Variants in MAGI2 observed in about 807,000 individuals in gnomAD.
MAGI2 encodes the protein membrane associated guanylate kinase, WW and PDZ domain containing 2.
A neutral mutation model predicts 133.3 loss-of-function variants in MAGI2; 35 were observed. The ratio of observed to expected loss-of-function variants is 0.26; its 90% CI spans 0.20 to 0.35. The LOEUF (loss-of-function observed/expected upper bound fraction) is 0.35. Ranked by LOEUF, MAGI2 falls within the 10% of genes least tolerant of loss-of-function variation. MAGI2 has a pLI of 1.00. For missense variants in MAGI2, 1,636 were observed against 1,863.4 expected (o/e 0.88, Z 2.25); for synonymous variants, 729 against 710.6 (o/e 1.03, Z -0.41).
chr7:78,883,443 C>G (rs1240695133), intron 2 of MAGI2, among the ~76,000 whole-genome samples: 1 of 151,988 alleles, frequency 6.6e-6, no homozygotes. Context: ...CATTAAAATG[C>G]TCAAATCAAT....
intron 2 of MAGI2, among the ~76,000 whole-genome samples, chr7:78,761,303 A>G (rs1416897623): frequency 1.3e-5 from 2 of 152,218 alleles, no homozygotes; most frequent in Non-Finnish European, 2.9e-5. Flanking sequence ...GCTTGACAAA[A>G]GAAATAACCT....
At chr7:78,480,429 C>T (rs1023860038) in intron 6 of MAGI2, among the ~76,000 whole-genome samples, 1 of 151,500 alleles carries the variant, frequency 6.6e-6, no homozygotes, top group Non-Finnish European at 1.5e-5. Flanking sequence ...AATCACAAAA[C>T]ATAGACACAA....
At chr7:78,042,062 C>A (rs990953371) in intron 21 of MAGI2, among the ~76,000 whole-genome samples, 1 of 152,136 alleles carries the variant, frequency 6.6e-6, no homozygotes, top group African/African-American at 2.4e-5. Context: ...CTGAGAGCAT[C>A]CATGAGTACA....
chr7:78,744,454 A>T (rs1822737968), intron 2 of MAGI2, among the ~76,000 whole-genome samples: 2 of 152,102 alleles, frequency 1.3e-5, no homozygotes, highest in African/African-American at 4.8e-5. Context: ...GATTCATCTT[A>T]TGGAATATGA....
chr7:79,027,778 A>G (rs1810044660), intron 1 of MAGI2, among the ~76,000 whole-genome samples: 1 of 152,114 alleles, frequency 6.6e-6, no homozygotes, highest in Non-Finnish European at 1.5e-5. Context: ...TCATTTTGTA[A>G]TCTATAAATG....
chr7:79,022,360 G>A (rs1277380206), intron 1 of MAGI2, among the ~76,000 whole-genome samples: 1 of 152,086 alleles, frequency 6.6e-6, no homozygotes, highest in Non-Finnish European at 1.5e-5. Flanking sequence ...CAGAATCTCT[G>A]AGATACATCC....
At chr7:78,522,861 T>G (rs73141123) in intron 3 of MAGI2, among the ~76,000 whole-genome samples, 9,464 of 152,258 alleles carry the variant, frequency 0.062, 514 homozygotes, top group African/African-American at 0.14. Flanking sequence ...ATTAAAATCT[T>G]TATTGGTACT....
chr7:78,716,639 G>A (rs1190950604), intron 2 of MAGI2, among the ~76,000 whole-genome samples: 3 of 152,118 alleles, frequency 2.0e-5, no homozygotes, highest in African/African-American at 7.2e-5. Flanking sequence ...TCACATTGCT[G>A]AGCACGCTGA....
At chr7:78,107,017 T>C (rs1818761287) in intron 20 of MAGI2, among the ~76,000 whole-genome samples, 1 of 152,162 alleles carries the variant, frequency 6.6e-6, no homozygotes, top group African/African-American at 2.4e-5. Context: ...TAGTCAATGT[T>C]GATTTGATTT....
At chr7:79,101,520 C>T (rs149854516) in intron 1 of MAGI2, among the ~76,000 whole-genome samples, 2,694 of 152,054 alleles carry the variant, frequency 0.018, 77 homozygotes, top group African/African-American at 0.061. Flanking sequence ...GTCAGGAGAT[C>T]GAGACCATTC....
At chr7:79,268,895 T>C (rs1834668079) in intron 1 of MAGI2, among the ~76,000 whole-genome samples, 1 of 152,148 alleles carries the variant, frequency 6.6e-6, no homozygotes, top group Non-Finnish European at 1.5e-5. Flanking sequence ...AGGTTGTTAT[T>C]AGCCCTATTA....
At chr7:78,785,394 A>T (rs926472289) in intron 2 of MAGI2, among the ~76,000 whole-genome samples, 2 of 152,222 alleles carry the variant, frequency 1.3e-5, no homozygotes, top group African/African-American at 2.4e-5. Context: ...CTGTGTAAGT[A>T]TTCTATTTTA....
rs1160345838 is a variant in MAGI2, at chr7:78,698,379, AAC to A, written c.419-71142_419-71141del. On this transcript the variant is annotated intron_variant, in intron 2 of 21. Transcript: ENST00000354212. ...GGGACAGGTTACAACAAAGGTCCAC[AAC>A]ACAGTTTATTCCGCATCCCCTAAGG... Among the ~76,000 whole-genome samples, 16 of 152,316 alleles carry A rather than the reference AAC, an allele frequency of 1.1e-4. No homozygotes were observed. The East Asian group carries it at 2.3e-3, about 22-fold the overall frequency.
intron 9 of MAGI2, among the ~76,000 whole-genome samples, chr7:78,292,697 CA>C (rs1169782662): frequency 6.6e-6 from 1 of 152,162 alleles, no homozygotes; most frequent in East Asian, 1.9e-4. Context: ...TACAAGGCTA[CA>C]GTAACAAAAA....
Position 78,019,315 on chromosome 7 carries a change from T to G in MAGI2, c.4368A>C (p.Ter1456CysextTer33). The G allele has an allele frequency of 6.4e-7, 1 of 1,560,912 alleles. No individual in the cohort carries two copies. Among genetic ancestry groups the G allele is most frequent in the Non-Finnish European group, 8.6e-7 (1 of 1,163,798 alleles). Residue 1456 changes from the stop codon to cysteine (C), a stop_lost, in exon 22 of 22, where the codon TGA (stop) becomes TGC (cysteine). Coordinates refer to ENST00000354212, the MANE Select transcript of MAGI2 (RefSeq NM_012301.4). Reference protein sequence around the residue: ...LKPGASAASR* With the variant: ...LKPGASAASRC ...GGCGGGTTGGCCGTGGCCGCGCGGC[T>G]CATCTGCTGGCGGCCGAGGCGCCGG... is the stretch of plus-strand genomic sequence containing the variant.
intron 2 of MAGI2, among the ~76,000 whole-genome samples, chr7:78,971,643 C>A (rs559032359): frequency 4.6e-4 from 70 of 152,014 alleles, no homozygotes; most frequent in African/African-American, 1.7e-3. Flanking sequence ...GTTTGGCCAC[C>A]CTACTTTCAG....
intron 2 of MAGI2, among the ~76,000 whole-genome samples, chr7:78,792,335 G>T (rs1166757943): frequency 1.3e-5 from 2 of 152,152 alleles, no homozygotes; most frequent in African/African-American, 2.4e-5. Context: ...ATGTGAAAAT[G>T]CAATTTTATT....
chr7:79,125,634 T>C (rs1425111320), intron 1 of MAGI2: 3 of 521,126 alleles, frequency 5.8e-6, no homozygotes, highest in African/African-American at 5.7e-5. Flanking sequence ...GTAGTGGAAC[T>C]ATGATAATTT....
chr7:78,047,078 C>A (rs11768469), intron 21 of MAGI2, among the ~76,000 whole-genome samples: 10,161 of 152,184 alleles, frequency 0.067, 342 homozygotes, highest in South Asian at 0.077. Context: ...CCGGATGTAA[C>A]AGTTTTGATA....
Sources: allele counts gnomAD v4.1 joint callset (sites outside exome capture counted in the v4.1 genomes callset), GRCh38; gene constraint gnomAD v4.1.1; transcripts MANE v1.5; gene names NCBI Gene and HGNC (gene_info 2026-07-23, HGNC 2026-07-21).